FAM149B1: variants seen among roughly 807,000 people sequenced by gnomAD.
FAM149B1 encodes family with sequence similarity 149 member B1.
FAM149B1 carries 56 observed loss-of-function variants against 75.3 expected under a neutral mutation model. The observed-to-expected ratio is 0.74, with a 90% CI of 0.60 to 0.93. The LOEUF (loss-of-function observed/expected upper bound fraction) is 0.93. Among genes scored for constraint, FAM149B1 ranks in the 40% least tolerant of loss-of-function variants. The pLI is 0.00. For missense variants in FAM149B1, 639 were observed against 708.4 expected (o/e 0.90, Z 1.11); for synonymous variants, 259 against 256.1 (o/e 1.01, Z -0.11).
chr10:73,207,302 GC>G lies in FAM149B1; in HGVS notation c.543-1315del, dbSNP rs557695962. Among the ~76,000 whole-genome samples the G allele has an allele frequency of 1.9e-3, 293 of 152,028 alleles. 3 individuals are homozygous for G. Among genetic ancestry groups the G allele is most frequent in the African/African-American group, 6.7e-3 (276 of 41,480 alleles). On this transcript the variant is annotated intron_variant, in intron 5 of 13. Transcript: ENST00000242505. ...ATTCAGGCCAGGTGCAGTGGCTCAT[GC>G]CTGTAATCCCAGCACTTTGGGAGGC... is the stretch of plus-strand genomic sequence containing the variant.
intron 5 of FAM149B1, chr10:73,200,501 A>T (rs541355549): frequency 2.1e-5 from 13 of 631,644 alleles, no homozygotes; most frequent in South Asian, 1.9e-4. Flanking sequence ...AGAATGTGTG[A>T]TATGTTAAAC....
At chr10:73,172,715 C>A in intron 1 of FAM149B1, among the ~76,000 whole-genome samples, 1 of 152,082 alleles carries the variant, frequency 6.6e-6, no homozygotes. Flanking sequence ...TAATCCAGTG[C>A]ATACATTGGA....
intron 5 of FAM149B1, chr10:73,200,797 A>G: frequency 2.1e-6 from 1 of 481,304 alleles, no homozygotes; most frequent in Non-Finnish European, 4.2e-6. Flanking sequence ...AGTTGGATAT[A>G]CTTTGTGACT....
Position 73,168,195 on chromosome 10 carries a change from T to G in FAM149B1, c.-145T>G. ...ACCCTGGGGAGGTGGCTGCTCGGAG[T>G]CTAGGTGACGGGGCGAGACGGGGCC... On this transcript the variant is annotated 5_prime_UTR_variant, in exon 1 of 14. Transcript: ENST00000242505. 1.2e-6 allele frequency: 1 copy of G among 809,246 alleles called. No individual in the cohort carries two copies. The highest frequency in any genetic ancestry group is 1.9e-6 in the Non-Finnish European group (1 of 526,140). The allele number at this position is 809,246 out of a possible 1,614,324, so 50.1% of individuals were successfully genotyped here. A position where few individuals can be genotyped will look rare whatever the true frequency, so the allele number is the denominator to read the frequency against.
intron 2 of FAM149B1, among the ~76,000 whole-genome samples, chr10:73,176,121 C>T (rs1315862517): frequency 3.3e-5 from 5 of 152,028 alleles, no homozygotes; most frequent in East Asian, 3.9e-4. Flanking sequence ...TGGTTCCATC[C>T]GGGGATGATG....
chr10:73,172,017 A>C (rs1843739577), intron 1 of FAM149B1, among the ~76,000 whole-genome samples: 1 of 152,150 alleles, frequency 6.6e-6, no homozygotes, highest in Non-Finnish European at 1.5e-5. Context: ...TATATATGTC[A>C]TTATGCATCT....
chr10:73,193,229 T>C (rs2042721979), intron 4 of FAM149B1, among the ~76,000 whole-genome samples: 1 of 152,160 alleles, frequency 6.6e-6, no homozygotes, highest in African/African-American at 2.4e-5. Flanking sequence ...AGATTACAGA[T>C]GTTTGCTTAG....
Position 73,243,439 on chromosome 10 carries a change from T to A in FAM149B1, c.*2420T>A, listed in dbSNP as rs781218421. On this transcript the variant is annotated 3_prime_UTR_variant, in exon 14 of 14. Transcript: ENST00000242505. ...TCTTGAGAGCAGATTTTTTCCCTCC[T>A]CCTTTGGAAGATTTGCAGTACTTTG... 6.2e-6 allele frequency: 10 copies of A among 1,614,006 alleles called. No individual in the cohort carries two copies. The South Asian group carries it at 9.9e-5, about 16-fold the overall frequency.
At chr10:73,240,582 G>GATGCCTGTAGTCCC in intron 13 of FAM149B1, among the ~76,000 whole-genome samples, 1 of 152,142 alleles carries the variant, frequency 6.6e-6, no homozygotes, top group South Asian at 2.1e-4. Flanking sequence ...TGTGGTGGCA[G>GATGCCTGTAGTCCC]ATGCCTGTAG....
intron 3 of FAM149B1, among the ~76,000 whole-genome samples, chr10:73,187,187 G>A (rs1183921521): frequency 6.6e-6 from 1 of 151,922 alleles, no homozygotes; most frequent in East Asian, 1.9e-4. Context: ...TCAAAACATT[G>A]CTGAGAGAAA....
chr10:73,177,012 C>T (rs6480679), intron 2 of FAM149B1, among the ~76,000 whole-genome samples: 23,888 of 151,446 alleles, frequency 0.16, 3,131 homozygotes, highest in African/African-American at 0.34. Flanking sequence ...GGCAACAGAG[C>T]GAGACTCCAT....
chr10:73,208,006 T>C (rs1041369504), intron 5 of FAM149B1, among the ~76,000 whole-genome samples: 15 of 152,204 alleles, frequency 9.9e-5, no homozygotes, highest in South Asian at 2.1e-4. Context: ...GGATATGAGA[T>C]TTGGGAGGAG....
intron 5 of FAM149B1, chr10:73,200,455 C>A: frequency 1.6e-6 from 1 of 613,898 alleles, no homozygotes; most frequent in South Asian, 1.4e-5. Flanking sequence ...GCAAAAACTG[C>A]AGGCTGAAGT....
chr10:73,225,484 G>A (rs1302783362), intron 7 of FAM149B1, among the ~76,000 whole-genome samples: 1 of 152,020 alleles, frequency 6.6e-6, no homozygotes, highest in Non-Finnish European at 1.5e-5. Flanking sequence ...CATAGAATAA[G>A]GAAATAAAGA....
At chr10:73,169,367 C>G (rs1245348139) in intron 1 of FAM149B1, among the ~76,000 whole-genome samples, 1 of 151,702 alleles carries the variant, frequency 6.6e-6, no homozygotes, top group Non-Finnish European at 1.5e-5. Flanking sequence ...AAGAGCTGCC[C>G]CCTACCCTGA....
intron 7 of FAM149B1, among the ~76,000 whole-genome samples, chr10:73,226,351 A>G (rs1464429652): frequency 1.3e-5 from 2 of 152,156 alleles, no homozygotes; most frequent in Non-Finnish European, 2.9e-5. Context: ...CTAAAAATAC[A>G]AAAATTAAGC....
rs1290064539 is a variant in FAM149B1 at position 73,174,848 on chromosome 10, GT to G, written c.152+63del. On this transcript the variant is annotated intron_variant, in intron 2 of 13. Transcript: ENST00000242505. ...TGCACTTGCTCATGGCAGAGGTTTTGTTTTTTGGCTTAAGATTGGTGTCAAG... is the reference window on the plus strand; with the variant it reads ...TGCACTTGCTCATGGCAGAGGTTTTGTTTTTGGCTTAAGATTGGTGTCAAG... The G allele has an allele frequency of 2.4e-6, 3 of 1,263,534 alleles. No homozygotes were observed. In the East Asian group the frequency reaches 7.6e-5, roughly 32 times the overall value. The allele number at this position is 1,263,534 out of a possible 1,614,324, so 78.3% of individuals were successfully genotyped here.
intron 5 of FAM149B1, among the ~76,000 whole-genome samples, chr10:73,202,263 TTTC>T (rs2042955957): frequency 6.6e-6 from 1 of 151,618 alleles, no homozygotes; most frequent in Non-Finnish European, 1.5e-5. Context: ...GGGAATATTT[TTTC>T]TTCTTATCTA....
chr10:73,215,442 A>G (rs182986477), intron 7 of FAM149B1, among the ~76,000 whole-genome samples: 2 of 152,120 alleles, frequency 1.3e-5, no homozygotes, highest in Admixed American at 1.3e-4. Context: ...GACTGGTCTC[A>G]AACTCCTGGC....
Sources: gnomAD v4.1 joint callset for allele counts (sites outside exome capture counted in the v4.1 genomes callset) on GRCh38, gnomAD v4.1.1 for gene constraint, MANE v1.5 for transcripts, NCBI Gene and HGNC (gene_info 2026-07-23, HGNC 2026-07-21) for gene names.